The following MEX3C variants were observed in gnomAD, a reference collection of about 807,000 sequenced individuals.
The protein encoded by MEX3C is RNA-binding E3 ubiquitin-protein ligase MEX3C.
MEX3C carries 15 observed loss-of-function variants against 35.5 expected under a neutral mutation model. That is an observed-to-expected ratio of 0.42 (90% CI 0.28 to 0.65). The LOEUF is 0.65. MEX3C is among the 30% of genes least tolerant of loss of function. The pLI, the probability that MEX3C is intolerant of heterozygous loss-of-function variation, is 0.20. For synonymous variants in MEX3C, 390 were observed against 352.8 expected, an observed-to-expected ratio of 1.11 and a Z score of -1.18; for missense variants, 711 against 842.8, an observed-to-expected ratio of 0.84 and a Z score of 1.94.
intron 1 of MEX3C, among the ~76,000 whole-genome samples, chr18:51,186,636 T>C (rs1912545060): frequency 6.6e-6 from 1 of 152,060 alleles, no homozygotes; most frequent in Admixed American, 6.5e-5. Context: ...ATGTTAAGAC[T>C]AGTGGGTGCA....
At position 51,177,368 on chromosome 18, in the gene MEX3C, A is replaced by G. The variant is rs35469773; in HGVS notation, c.963T>C (p.Pro321=). The change falls in exon 2 of 2, where the codon CCT becomes CCC. Residue 321 remains proline (P), a synonymous_variant. Coordinates refer to ENST00000406189, the MANE Select transcript of MEX3C (RefSeq NM_016626.5). This position sits in a 1 kb window ranked among gnomAD's most constrained non-coding sequence, Gnocchi z 4.2. ...GPALGGLSCS[P]NLPGQTTVQV... is the part of the protein sequence containing the mutation. ...GGACGGTGGTTTGACCGGGCAGATT[A>G]GGACTACATGATAATCCTCCCAGGG... is the stretch of plus-strand genomic sequence containing the variant. The G allele has an allele frequency of 2.4e-5, 39 of 1,613,998 alleles. No individual in the cohort carries two copies. In the African/African-American group the frequency reaches 4.0e-4, roughly 17 times the overall value.
In MEX3C at chr18:51,197,050, C is replaced by T. The variant is rs1012088170; in HGVS notation, c.271G>A (p.Glu91Lys). The T allele has an allele frequency of 1.0e-4, 148 of 1,470,824 alleles. No individual in the cohort carries two copies. Among genetic ancestry groups the T allele is most frequent in the Non-Finnish European group, 1.2e-4 (138 of 1,117,698 alleles). The allele number at this position is 1,470,824 out of a possible 1,614,324, so 91.1% of individuals were successfully genotyped here. The change falls in exon 1 of 2, where the codon GAG (glutamate) becomes AAG (lysine). Residue 91 changes from glutamate (E) to lysine (K), a missense_variant. Glu to Lys is a moderately conservative substitution (Grantham distance 56). Coordinates refer to ENST00000406189, the MANE Select transcript of MEX3C (RefSeq NM_016626.5). Reference protein sequence around the residue: ...ARRAAELSPEERAPPGRPGAP... With the variant: ...ARRAAELSPEKRAPPGRPGAP... ...CCGGGCCGGCCGGGCGGAGCCCGCT[C>T]CTCTGGAGACAGCTCCGCCGCCCGC...
Position 51,177,421 on chromosome 18 carries a change from G to T in MEX3C, c.910C>A (p.Arg304Ser), listed in dbSNP as rs758696600. Residue 304 changes from arginine (R) to serine (S), a missense_variant, in exon 2 of 2, where the codon CGT becomes AGT. This residue lies in a region of MEX3C where 83 missense variants were observed against 179.1 expected (regional missense o/e 0.46). Coordinates refer to ENST00000406189, the MANE Select transcript of MEX3C (RefSeq NM_016626.5). The surrounding 1 kb of genome is among the most constrained non-coding windows in gnomAD (Gnocchi z 4.2). ...GGCCCATTTTTGTTTCGAGATGCACGAATCATGGAGAAGTGCTCTGCAGCT... is the reference window on the plus strand; with the variant it reads ...GGCCCATTTTTGTTTCGAGATGCACTAATCATGGAGAAGTGCTCTGCAGCT... ...LSAAEHFSMIRASRNKNGPAL... is the reference protein window; with the variant it reads ...LSAAEHFSMISASRNKNGPAL... The T allele has an allele frequency of 1.9e-6, 3 of 1,613,946 alleles. No individual in the cohort carries two copies. The highest frequency in any genetic ancestry group is 2.5e-6 in the Non-Finnish European group (3 of 1,179,874).
chr18:51,197,521 G>A lies in MEX3C; in HGVS notation c.-201C>T, dbSNP rs1441680626. 6.7e-6 allele frequency among the ~76,000 whole-genome samples: 1 copy of A among 149,030 alleles called. No individual in the cohort carries two copies. Among genetic ancestry groups the A allele is most frequent in the African/African-American group, 2.4e-5 (1 of 40,820 alleles). ...GGGCGGGGTGGAGGGGCAGGGGAAG[G>A]AGGCAGAGGTAGGTAACTAGGTGGG... is the stretch of plus-strand genomic sequence containing the variant. On this transcript the variant is annotated 5_prime_UTR_variant, in exon 1 of 2. Transcript: ENST00000406189.
chr18:51,190,351 T>C (rs1250490899), intron 1 of MEX3C, among the ~76,000 whole-genome samples: 1 of 152,144 alleles, frequency 6.6e-6, no homozygotes, highest in East Asian at 1.9e-4. Flanking sequence ...CAGCCCCAAA[T>C]GCAAATATAT....
At chr18:51,194,104 T>C (rs371666948) in intron 1 of MEX3C, 7 of 152,178 alleles carry the variant, frequency 4.6e-5, no homozygotes, top group East Asian at 3.8e-4. Context: ...TTCTCTCCCG[T>C]GGGGAAATAT....
intron 1 of MEX3C, among the ~76,000 whole-genome samples, chr18:51,188,410 C>G (rs1912582948): frequency 1.3e-5 from 2 of 151,858 alleles, no homozygotes; most frequent in South Asian, 4.2e-4. Flanking sequence ...CTCAGAAGTT[C>G]AAGACCAGCC....
In MEX3C at chr18:51,196,679, CG is replaced by C; in HGVS notation, c.641del (p.Ala214GlyfsTer4). 6.5e-7 allele frequency: 1 copy of C among 1,545,344 alleles called. No individual in the cohort carries two copies. Among genetic ancestry groups the C allele is most frequent in the Non-Finnish European group, 8.7e-7 (1 of 1,150,900 alleles). ...CCGCCTGCTCCCCGTTCAGGGCGGC[CG>C]CCGCCGCCCCACAACCGCCGGGGCC... The part of the protein sequence containing the change: ...AYGPGGCGAA[A>X]AALNGEQAAL... On this transcript the variant is annotated frameshift_variant, in exon 1 of 2. Coordinates refer to ENST00000406189, the MANE Select transcript of MEX3C (RefSeq NM_016626.5). LOFTEE classifies it high-confidence loss of function.
At chr18:51,195,555 G>C (rs1288801245) in intron 1 of MEX3C, 1 of 152,172 alleles carries the variant, frequency 6.6e-6, no homozygotes, top group African/African-American at 2.4e-5. Context: ...CCCCAACAAT[G>C]CTCTCAACCT....
At chr18:51,187,623 G>A (rs1317460900) in intron 1 of MEX3C, among the ~76,000 whole-genome samples, 2 of 151,944 alleles carry the variant, frequency 1.3e-5, no homozygotes, top group Admixed American at 6.6e-5. Context: ...CAGAAGAATC[G>A]CTCGAACCCG....
At chr18:51,180,273 C>T (rs1912395500) in intron 1 of MEX3C, among the ~76,000 whole-genome samples, 1 of 152,096 alleles carries the variant, frequency 6.6e-6, no homozygotes, top group African/African-American at 2.4e-5. Flanking sequence ...GTCCACAGAA[C>T]ACTATCTAGC....
chr18:51,185,929 T>C (rs1456176817), intron 1 of MEX3C, among the ~76,000 whole-genome samples: 1 of 151,748 alleles, frequency 6.6e-6, no homozygotes, highest in Non-Finnish European at 1.5e-5. Context: ...AATAAAAATA[T>C]CAAATAGGGA....
At chr18:51,182,055 G>A (rs1212339469) in intron 1 of MEX3C, among the ~76,000 whole-genome samples, 1 of 152,098 alleles carries the variant, frequency 6.6e-6, no homozygotes, top group Admixed American at 6.5e-5. Context: ...GGTGGGTACA[G>A]TACAGAATAA....
intron 1 of MEX3C, chr18:51,195,567 A>C (rs1379333207): frequency 6.6e-6 from 1 of 152,176 alleles, no homozygotes; most frequent in Non-Finnish European, 1.5e-5. Flanking sequence ...TCTCAACCTA[A>C]CAGTAAAGAG....
Position 51,175,690 on chromosome 18 carries a change from G to C in MEX3C, c.*661C>G, listed in dbSNP as rs1321364140. 6.6e-6 allele frequency: 1 copy of C among 152,512 alleles called. No individual in the cohort carries two copies. Among genetic ancestry groups the C allele is most frequent in the African/African-American group, 2.4e-5 (1 of 41,408 alleles). The allele number at this position is 152,512 out of a possible 1,614,324, so 9.4% of individuals were successfully genotyped here. A position where few individuals can be genotyped will look rare whatever the true frequency, so the allele number is the denominator to read the frequency against. ...AGGCAATGGGCAGGAATTCACAATT[G>C]CATTCCTGATCCACTGATCATACCA... On this transcript the variant is annotated 3_prime_UTR_variant, in exon 2 of 2. Transcript: ENST00000406189.
chr18:51,179,001 G>C (rs1057150520), intron 1 of MEX3C, among the ~76,000 whole-genome samples: 1 of 150,510 alleles, frequency 6.6e-6, no homozygotes, highest in Non-Finnish European at 1.5e-5. Flanking sequence ...ACTTTAGTCA[G>C]ATGATGCTTT....
At chr18:51,183,250 G>T (rs1313155159) in intron 1 of MEX3C, among the ~76,000 whole-genome samples, 1 of 152,204 alleles carries the variant, frequency 6.6e-6, no homozygotes, top group African/African-American at 2.4e-5. Context: ...CTCAGAGCAG[G>T]ATTTTTCAAG....
rs1912847529 is a variant in MEX3C, at chr18:51,197,499, C to A, written c.-179G>T. ...AGGGCCGCCCGGAGACCGGAGAGGG[C>A]GGGGTGGAGGGGCAGGGGAAGGAGG... On this transcript the variant is annotated 5_prime_UTR_variant, in exon 1 of 2. Transcript: ENST00000406189. 2.0e-5 allele frequency among the ~76,000 whole-genome samples: 1 copy of A among 50,900 alleles called. No homozygotes were observed. Among genetic ancestry groups the A allele is most frequent in the Non-Finnish European group, 3.8e-5 (1 of 26,166 alleles). The allele number at this position is 50,900 out of a possible 152,430, so 33.4% of individuals were successfully genotyped here.
rs1314883808 is a variant in MEX3C at position 51,196,813 on chromosome 18, C to T, written c.508G>A (p.Ala170Thr). 1.3e-6 allele frequency: 2 copies of T among 1,532,302 alleles called. No individual in the cohort carries two copies. Among genetic ancestry groups the T allele is most frequent in the Non-Finnish European group, 1.7e-6 (2 of 1,144,502 alleles). 94.9% of individuals were successfully genotyped at this position (1,532,302 alleles called of 1,614,324 possible). A position where few individuals can be genotyped will look rare whatever the true frequency, so the allele number is the denominator to read the frequency against. ...GCCGCCTCCCGGGCATCGAACCTGG[C>T]GGCTGGCAGCAGCACAGACCCCAGG... ...GSLGSVLLPA[A>T]RFDAREAAAA... The change falls in exon 1 of 2, where the codon GCC (alanine) becomes ACC (threonine). Residue 170 changes from alanine to threonine, a missense_variant. Ala to Thr is a moderately conservative substitution (Grantham distance 58). Transcript: ENST00000406189.
Sources: gnomAD v4.1 joint callset for allele counts (sites outside exome capture counted in the v4.1 genomes callset) on GRCh38, gnomAD v4.1.1 for gene constraint, gnomAD v4.1.1 regional missense constraint, Gnocchi (gnomAD v3.1) non-coding constraint, MANE v1.5 for transcripts, NCBI Gene and HGNC (gene_info 2026-07-23, HGNC 2026-07-21) for gene names.